HERC3: variants seen among roughly 807,000 people sequenced by gnomAD.
HERC3 encodes probable E3 ubiquitin-protein ligase HERC3.
Under a neutral mutation model 129.9 loss-of-function variants are expected in HERC3, and 58 were observed. The observed-to-expected ratio is 0.45, with a 90% CI of 0.36 to 0.56. The LOEUF (loss-of-function observed/expected upper bound fraction) is 0.56, where lower values mean the gene tolerates loss of function less well. HERC3 is among the 20% of genes least tolerant of loss of function. The pLI is 0.00. For missense variants in HERC3, 835 were observed against 1,244.2 expected (o/e 0.67, Z 4.95); for synonymous variants, 430 against 451.0 (o/e 0.95, Z 0.59).
chr4:88,706,413 A>T (rs1735784204), intron 25 of HERC3, among the ~76,000 whole-genome samples: 1 of 152,230 alleles, frequency 6.6e-6, no homozygotes, highest in Admixed American at 6.5e-5. Context: ...TGGTACAGGC[A>T]TCAGGCACTT....
intron 18 of HERC3, 95 bp downstream of exon 18, chr4:88,676,518 G>T: frequency 1.2e-6 from 1 of 864,676 alleles, no homozygotes; most frequent in South Asian, 1.5e-5. Flanking sequence ...AAACATATTT[G>T]GTTGAAATTC....
At chr4:88,536,927 A>G in the HERC3 span, among the ~76,000 whole-genome samples, 1 of 152,208 alleles carries the variant, frequency 6.6e-6, no homozygotes, top group African/African-American at 2.4e-5. Flanking sequence ...AACACACACT[A>G]AAGTTATAAA....
intron 23 of HERC3, chr4:88,690,634 A>G (rs1382026154): frequency 1.0e-6 from 1 of 984,668 alleles, no homozygotes; most frequent in African/African-American, 1.7e-5. Flanking sequence ...GGAATAGGCA[A>G]TTGGCAATGT....
At chr4:88,559,491 G>GTTGTT in the HERC3 span, among the ~76,000 whole-genome samples, 5 of 152,198 alleles carry the variant, frequency 3.3e-5, no homozygotes, top group South Asian at 2.1e-4. Context: ...CTGTATAGTT[G>GTTGTT]TTGTTTTGTT....
At chr4:88,668,525 T>G (rs1731276250) in intron 14 of HERC3, 1 of 164,326 alleles carries the variant, frequency 6.1e-6, no homozygotes, top group Admixed American at 6.3e-5. Flanking sequence ...TGTTTTGTTT[T>G]TCTTTTTTAG....
chr4:88,571,834 A>G, the HERC3 span, among the ~76,000 whole-genome samples: 1 of 152,290 alleles, frequency 6.6e-6, no homozygotes, highest in East Asian at 1.9e-4. Context: ...CTCCGTCTCA[A>G]TCAAATGAAA....
At chr4:88,546,320 T>C in the HERC3 span, among the ~76,000 whole-genome samples, 1 of 152,328 alleles carries the variant, frequency 6.6e-6, no homozygotes, top group East Asian at 1.9e-4. Context: ...CATTTAACAC[T>C]GCACCTCTGT....
chr4:88,531,984 T>G, the HERC3 span, among the ~76,000 whole-genome samples: 1 of 152,154 alleles, frequency 6.6e-6, no homozygotes, highest in African/African-American at 2.4e-5. Context: ...TTTCCAGCCA[T>G]TTTAATGAAT....
chr4:88,661,806 A>G (rs1212505976), intron 10 of HERC3, among the ~76,000 whole-genome samples: 3 of 152,200 alleles, frequency 2.0e-5, no homozygotes, highest in Non-Finnish European at 2.9e-5. Flanking sequence ...CATTGTTTTT[A>G]TAGGTTATTT....
intron 12 of HERC3, among the ~76,000 whole-genome samples, chr4:88,664,952 A>G (rs1363019109): frequency 1.3e-5 from 2 of 152,286 alleles, no homozygotes; most frequent in Non-Finnish European, 2.9e-5. Flanking sequence ...ATGCAGCAAA[A>G]GAGTCTTGTC....
chr4:88,673,403 C>A (rs919699575), intron 16 of HERC3, among the ~76,000 whole-genome samples: 2 of 152,148 alleles, frequency 1.3e-5, no homozygotes, highest in African/African-American at 4.8e-5. Context: ...AATGATATTC[C>A]CAATTTTTCT....
intron 16 of HERC3, 47 bp from the exon 17 acceptor site, chr4:88,676,171 C>T: frequency 7.2e-7 from 1 of 1,381,970 alleles, no homozygotes; most frequent in Non-Finnish European, 1.0e-6. Context: ...GATTAAAATT[C>T]AGGGTTTACA....
At chr4:88,567,484 C>A in the HERC3 span, among the ~76,000 whole-genome samples, 1 of 151,754 alleles carries the variant, frequency 6.6e-6, no homozygotes, top group Non-Finnish European at 1.5e-5. Context: ...ATTCTTTTTT[C>A]TTTTGTCTCC....
intron 2 of HERC3, among the ~76,000 whole-genome samples, chr4:88,598,249 CA>C (rs1361882316): frequency 6.6e-6 from 1 of 152,078 alleles, no homozygotes; most frequent in Non-Finnish European, 1.5e-5. Flanking sequence ...TATCATAAGA[CA>C]AAGTTTAGGA....
chr4:88,555,944 T>A, the HERC3 span, among the ~76,000 whole-genome samples: 1 of 152,186 alleles, frequency 6.6e-6, no homozygotes, highest in Admixed American at 6.5e-5. Flanking sequence ...ACCAATTAGA[T>A]ATATAATAGG....
intron 7 of HERC3, among the ~76,000 whole-genome samples, chr4:88,654,708 T>A (rs1411386634): frequency 2.6e-5 from 4 of 151,918 alleles, no homozygotes; most frequent in Admixed American, 2.6e-4. Flanking sequence ...AAATGTATTT[T>A]TATATTGAAC....
the HERC3 span, among the ~76,000 whole-genome samples, chr4:88,551,228 A>G: frequency 6.6e-6 from 1 of 152,240 alleles, no homozygotes; most frequent in Non-Finnish European, 1.5e-5. Flanking sequence ...GACATGGGCA[A>G]GGACTTCATG....
At position 88,605,780 on chromosome 4, in the gene HERC3, T is replaced by A. The variant is rs775174245; in HGVS notation, c.-29-15T>A. 88 of 1,484,874 alleles carry A rather than the reference T, an allele frequency of 5.9e-5. No individual in the cohort carries two copies. Among genetic ancestry groups the A allele is most frequent in the African/African-American group, 4.2e-4 (30 of 71,522 alleles). 92.0% of individuals were successfully genotyped at this position (1,484,874 alleles called of 1,614,324 possible). A position where few individuals can be genotyped will look rare whatever the true frequency, so the allele number is the denominator to read the frequency against. ...CTTTTTAATTAAAAAATAATTTTTT[T>A]AAACTCTCTCCTAGGCTACATGATT... is the stretch of plus-strand genomic sequence containing the variant. On this transcript the variant is annotated splice_polypyrimidine_tract_variant and intron_variant, in intron 2 of 25. Transcript: ENST00000402738.
At chr4:88,660,304 C>G (rs377395915) in intron 10 of HERC3, among the ~76,000 whole-genome samples, 1 of 151,862 alleles carries the variant, frequency 6.6e-6, no homozygotes, top group Non-Finnish European at 1.5e-5. Context: ...TGGTTTCAAG[C>G]GATTCTCCTG....
Sources: gnomAD v4.1 joint callset for allele counts (sites outside exome capture counted in the v4.1 genomes callset) on GRCh38, gnomAD v4.1.1 for gene constraint, MANE v1.5 for transcripts, NCBI Gene and HGNC (gene_info 2026-07-23, HGNC 2026-07-21) for gene names.